The following XPNPEP3 variants were observed in gnomAD, a reference collection of about 807,000 sequenced individuals.
The protein encoded by XPNPEP3 is xaa-Pro aminopeptidase 3.
XPNPEP3 carries 41 observed loss-of-function variants against 60.0 expected under a neutral mutation model. The observed-to-expected ratio is 0.68, with a 90% confidence interval of 0.53 to 0.89. The LOEUF (loss-of-function observed/expected upper bound fraction) is 0.89, where lower values mean the gene tolerates loss of function less well. Among genes scored for constraint, XPNPEP3 ranks in the 40% least tolerant of loss-of-function variants. The probability of loss-of-function intolerance (pLI) is 0.00; values close to 1 mark genes in which losing one functional copy is unlikely to be tolerated. For synonymous variants in XPNPEP3, 212 were observed against 223.2 expected (o/e 0.95, Z 0.45); for missense variants, 598 against 638.9 (o/e 0.94, Z 0.69).
intron 1 of XPNPEP3, chr22:40,862,165 C>G (rs2057954249): frequency 7.0e-7 from 1 of 1,420,132 alleles, no homozygotes; most frequent in Admixed American, 3.3e-5. Context: ...GATTATGTGG[C>G]AAGCAGAGTT....
chr22:40,865,714 A>G (rs189635902), intron 1 of XPNPEP3, among the ~76,000 whole-genome samples: 9 of 151,418 alleles, frequency 5.9e-5, no homozygotes, highest in African/African-American at 2.2e-4. Flanking sequence ...GGCAGCGGGT[A>G]GAGACAGGGT....
At chr22:40,907,117 T>G (rs1193692858) in intron 4 of XPNPEP3, 3 of 456,282 alleles carry the variant, frequency 6.6e-6, no homozygotes, top group Admixed American at 4.7e-5. Context: ...CAAAATGTTT[T>G]CCTTTCAGAA....
In XPNPEP3 at chr22:40,869,050, G is replaced by T. The variant is rs199818696; in HGVS notation, c.116G>T (p.Arg39Met). The T allele has an allele frequency of 6.2e-7, 1 of 1,614,106 alleles. No individual in the cohort carries two copies. The highest frequency in any genetic ancestry group is 8.5e-7 in the Non-Finnish European group (1 of 1,179,994). The change falls in exon 2 of 10, where the codon AGG becomes ATG. Residue 39 changes from arginine (R) to methionine (M), a missense_variant. By Grantham distance (91) the Arg-to-Met change is moderately conservative. Transcript: ENST00000357137. ...RRYSLQPVPERRIPNRYLGQP... is the reference protein window; with the variant it reads ...RRYSLQPVPEMRIPNRYLGQP... ...TACTCCCTTCAGCCTGTCCCAGAAA[G>T]GAGGATTCCAAACCGATACTTAGGC...
At chr22:40,859,627 AGAATAAATAACCTTTC>A (rs2057929228) in intron 1 of XPNPEP3, 1 of 152,226 alleles carries the variant, frequency 6.6e-6, no homozygotes, top group African/African-American at 2.4e-5. Context: ...TCTCTTCTAT[AGAATAAATAACCTTTC>A]CTTCTCCCAT....
At chr22:40,862,247 G>C in intron 1 of XPNPEP3, 4 of 1,209,576 alleles carry the variant, frequency 3.3e-6, no homozygotes, top group Non-Finnish European at 4.1e-6. Flanking sequence ...CTTCCAAATA[G>C]AGCTAGTCCA....
intron 2 of XPNPEP3, among the ~76,000 whole-genome samples, chr22:40,870,564 A>C (rs532023357): frequency 6.6e-6 from 1 of 152,272 alleles, no homozygotes; most frequent in African/African-American, 2.4e-5. Flanking sequence ...CAGAATTATT[A>C]GTATTTTAAA....
At chr22:40,861,971 T>G (rs1387082021) in intron 1 of XPNPEP3, 9 of 1,601,116 alleles carry the variant, frequency 5.6e-6, no homozygotes, top group Non-Finnish European at 7.7e-6. Context: ...TTTGCAGTCC[T>G]AGAACTTCAT....
intron 6 of XPNPEP3, among the ~76,000 whole-genome samples, chr22:40,910,813 G>A (rs1431811075): frequency 6.6e-6 from 1 of 152,104 alleles, no homozygotes; most frequent in Non-Finnish European, 1.5e-5. Flanking sequence ...AGACCATCCT[G>A]GTCAACATGG....
chr22:40,894,301 G>A (rs967987414), intron 4 of XPNPEP3, among the ~76,000 whole-genome samples: 2 of 152,186 alleles, frequency 1.3e-5, no homozygotes, highest in African/African-American at 2.4e-5. Context: ...GACTCCAGAA[G>A]CATCTGTTGA....
At chr22:40,859,813 T>C (rs1175876382) in intron 1 of XPNPEP3, 1 of 152,234 alleles carries the variant, frequency 6.6e-6, no homozygotes, top group African/African-American at 2.4e-5. Context: ...AACCATTTGC[T>C]CGATATCTGA....
chr22:40,878,419 G>T (rs921655415), intron 2 of XPNPEP3, among the ~76,000 whole-genome samples: 1 of 151,924 alleles, frequency 6.6e-6, no homozygotes, highest in East Asian at 1.9e-4. Flanking sequence ...ATAAAAGATG[G>T]TTTTTTTGAT....
intron 4 of XPNPEP3, among the ~76,000 whole-genome samples, chr22:40,901,373 T>TA (rs1193843148): frequency 1.3e-5 from 2 of 152,006 alleles, no homozygotes; most frequent in Non-Finnish European, 2.9e-5. Flanking sequence ...TAGCTGGGAA[T>TA]ACAGGCATGC....
At chr22:40,860,970 AG>A in intron 1 of XPNPEP3, 1 of 1,196,096 alleles carries the variant, frequency 8.4e-7, no homozygotes, top group Non-Finnish European at 1.2e-6. Flanking sequence ...AGTGTTGAAA[AG>A]CTCTTAGTAT....
intron 4 of XPNPEP3, among the ~76,000 whole-genome samples, chr22:40,903,182 T>C (rs143196276): frequency 1.3e-5 from 2 of 152,328 alleles, no homozygotes; most frequent in African/African-American, 2.4e-5. Flanking sequence ...ACAGGAACTT[T>C]AGCAGAACAG....
intron 4 of XPNPEP3, chr22:40,907,293 C>A: frequency 2.4e-6 from 1 of 417,020 alleles, no homozygotes; most frequent in Non-Finnish European, 4.7e-6. Context: ...TGGTGGCGGG[C>A]GCCTGTAGTC....
chr22:40,921,081 C>T (rs1345974514), intron 7 of XPNPEP3, among the ~76,000 whole-genome samples: 2 of 152,138 alleles, frequency 1.3e-5, no homozygotes, highest in East Asian at 1.9e-4. Context: ...CGTGAGCCAC[C>T]GCGCCCAGCC....
intron 2 of XPNPEP3, among the ~76,000 whole-genome samples, chr22:40,872,602 T>C (rs1384017790): frequency 6.6e-6 from 1 of 151,866 alleles, no homozygotes; most frequent in East Asian, 1.9e-4. Flanking sequence ...AGGCGCCTGC[T>C]ACCACATCCG....
intron 1 of XPNPEP3, among the ~76,000 whole-genome samples, chr22:40,862,967 C>T (rs1051514596): frequency 4.6e-5 from 7 of 152,136 alleles, no homozygotes; most frequent in Admixed American, 1.3e-4. Flanking sequence ...GGGGGCAGAG[C>T]GCTACTTTAG....
chr22:40,865,258 T>C (rs1036007637), intron 1 of XPNPEP3, among the ~76,000 whole-genome samples: 17 of 151,886 alleles, frequency 1.1e-4, no homozygotes, highest in Admixed American at 1.1e-3. Context: ...GATGTTACCA[T>C]ATCCAGTGGT....
Sources: gnomAD v4.1 joint callset for allele counts (sites outside exome capture counted in the v4.1 genomes callset) on GRCh38, gnomAD v4.1.1 for gene constraint, MANE v1.5 for transcripts, NCBI Gene and HGNC (gene_info 2026-07-23, HGNC 2026-07-21) for gene names.